Variants in ACSS2 observed in about 807,000 individuals in gnomAD.
ACSS2 encodes acetyl-coenzyme A synthetase, cytoplasmic.
Under a neutral mutation model 90.6 loss-of-function variants are expected in ACSS2, and 58 were observed. That is an observed-to-expected ratio of 0.64 (90% CI 0.52 to 0.80). The LOEUF is 0.80. ACSS2 is among the 30% of genes least tolerant of loss of function. The pLI is 0.00. For synonymous variants in ACSS2, 300 were observed against 330.9 expected, an observed-to-expected ratio of 0.91 and a Z score of 1.01; for missense variants, 759 against 912.0, an observed-to-expected ratio of 0.83 and a Z score of 2.16.
intron 2 of ACSS2, among the ~76,000 whole-genome samples, chr20:34,892,519 A>G (rs2080358944): frequency 6.6e-6 from 1 of 152,264 alleles, no homozygotes; most frequent in South Asian, 2.1e-4. Context: ...ATTCTCATTC[A>G]ATTCCTACAT....
intron 2 of ACSS2, among the ~76,000 whole-genome samples, chr20:34,897,184 A>T (rs1346022364): frequency 6.6e-6 from 1 of 152,216 alleles, no homozygotes; most frequent in East Asian, 1.9e-4. Flanking sequence ...TGCAATTCCA[A>T]TCAAAATTGC....
intron 1 of ACSS2, among the ~76,000 whole-genome samples, chr20:34,878,895 C>CTTTTTTTTTTTTT (rs11299664): frequency 7.8e-6 from 1 of 128,526 alleles, no homozygotes; most frequent in Non-Finnish European, 1.7e-5. Context: ...TTCTGCTTTT[C>CTTTTTTTTTTTTT]TTTTTTTTTT....
At chr20:34,898,311 T>G (rs559751382) in intron 2 of ACSS2, among the ~76,000 whole-genome samples, 20 of 152,308 alleles carry the variant, frequency 1.3e-4, no homozygotes, top group Non-Finnish European at 2.4e-4. Flanking sequence ...AGCCAAGTGG[T>G]CTGTTTTGAC....
intron 13 of ACSS2, 58 bp from the exon 14 acceptor site, chr20:34,923,265 T>C (rs2081240978): frequency 6.5e-6 from 8 of 1,239,414 alleles, no homozygotes; most frequent in Non-Finnish European, 8.3e-6. Context: ...AAAGCTGTAA[T>C]TATCTTCCAG....
intron 2 of ACSS2, among the ~76,000 whole-genome samples, chr20:34,901,739 A>T (rs2080663697): frequency 6.6e-6 from 1 of 152,224 alleles, no homozygotes; most frequent in Admixed American, 6.5e-5. Flanking sequence ...TGGGGAGCTT[A>T]TGCAATGAAA....
At chr20:34,896,814 C>T (rs1448937061) in intron 2 of ACSS2, among the ~76,000 whole-genome samples, 3 of 152,166 alleles carry the variant, frequency 2.0e-5, no homozygotes, top group African/African-American at 4.8e-5. Flanking sequence ...GAGGCCAAGG[C>T]GGGCGGATCA....
At chr20:34,915,711 C>T (rs954544102) in intron 7 of ACSS2, among the ~76,000 whole-genome samples, 1 of 152,102 alleles carries the variant, frequency 6.6e-6, no homozygotes, top group Non-Finnish European at 1.5e-5. Context: ...AGAGGAGATT[C>T]CTAAATACAT....
chr20:34,906,227 CG>C (rs2080800389), intron 2 of ACSS2, among the ~76,000 whole-genome samples: 1 of 150,588 alleles, frequency 6.6e-6, no homozygotes, highest in African/African-American at 2.5e-5. Context: ...CCCAGCTACT[CG>C]GGAGGCTGAG....
chr20:34,927,662 TG>T lies in ACSS2; in HGVS notation c.*449del, dbSNP rs1167648948. 2.3e-5 allele frequency: 4 copies of T among 174,234 alleles called. No individual in the cohort carries two copies. In the East Asian group the frequency reaches 5.7e-4, roughly 25 times the overall value. The allele number at this position is 174,234 out of a possible 1,614,324, so 10.8% of individuals were successfully genotyped here. A position where few individuals can be genotyped will look rare whatever the true frequency, so the allele number is the denominator to read the frequency against. On this transcript the variant is annotated 3_prime_UTR_variant, in exon 18 of 18. Coordinates refer to ENST00000360596, the MANE Select transcript of ACSS2 (RefSeq NM_018677.4). The surrounding 1 kb of genome is among the most constrained non-coding windows in gnomAD (Gnocchi z 4.2). ...ATTTACTATTTTTAAAATATTTTGCTGCTTCTGTTCTGGGTCTGAATTCCCT... is the reference window on the plus strand; with the variant it reads ...ATTTACTATTTTTAAAATATTTTGCTCTTCTGTTCTGGGTCTGAATTCCCT...
chr20:34,906,663 A>T (rs1452606981), intron 2 of ACSS2, among the ~76,000 whole-genome samples: 1 of 152,042 alleles, frequency 6.6e-6, no homozygotes. Context: ...GGTGCTAGGG[A>T]TGTAGCAGTG....
At chr20:34,888,720 C>A (rs995313418) in intron 2 of ACSS2, among the ~76,000 whole-genome samples, 3 of 152,084 alleles carry the variant, frequency 2.0e-5, no homozygotes, top group Non-Finnish European at 4.4e-5. Flanking sequence ...AAGGAAAGAA[C>A]CTTTTGATAA....
rs985481273 is a variant in ACSS2 at position 34,906,970 on chromosome 20, C to CGA, written c.375-6123_375-6122dup. On this transcript the variant is annotated intron_variant, in intron 2 of 17. Coordinates refer to ENST00000360596, the MANE Select transcript of ACSS2 (RefSeq NM_018677.4). ...TTGCACTCCAGCCTGGGTGACAGAG[C>CGA]GAGACTCCATCTCAAAAAAAAAAAA... Among the ~76,000 whole-genome samples the CGA allele has an allele frequency of 2.7e-5, 3 of 109,974 alleles. No homozygotes were observed. In the Admixed American group the frequency reaches 3.6e-4, roughly 13 times the overall value. The allele number at this position is 109,974 out of a possible 152,430, so 72.1% of individuals were successfully genotyped here.
At chr20:34,883,545 T>C (rs2080118247) in intron 2 of ACSS2, among the ~76,000 whole-genome samples, 2 of 152,236 alleles carry the variant, frequency 1.3e-5, no homozygotes, top group Admixed American at 1.3e-4. Flanking sequence ...CTAGGCAGTA[T>C]AATTACAGAG....
At chr20:34,921,964 T>C (rs948013735) in intron 13 of ACSS2, 98 bp downstream of exon 13, 4 of 1,513,590 alleles carry the variant, frequency 2.6e-6, no homozygotes, top group Non-Finnish European at 3.5e-6. Context: ...TCCTGGTAGC[T>C]GCTTAGGACT....
At chr20:34,907,987 C>T (rs1241160550) in intron 2 of ACSS2, among the ~76,000 whole-genome samples, 3 of 152,182 alleles carry the variant, frequency 2.0e-5, no homozygotes, top group African/African-American at 7.2e-5. Context: ...GAGGGAGAGT[C>T]CTGACTTGAA....
At position 34,899,369 on chromosome 20, in the gene ACSS2, C is replaced by T. The variant is rs1044210150; in HGVS notation, c.375-13727C>T. Among the ~76,000 whole-genome samples, 13 of 151,750 alleles carry T rather than the reference C, an allele frequency of 8.6e-5. No homozygotes were observed. In the East Asian group the frequency reaches 2.3e-3, roughly 27 times the overall value. On this transcript the variant is annotated intron_variant, in intron 2 of 17. Transcript: ENST00000360596. The stretch of plus-strand genomic sequence containing the variant: ...CTGCCAGCACGCTGTCACCTCTCAA[C>T]GTTATCACATTTTTTTCTTTCTTTC...
intron 2 of ACSS2, among the ~76,000 whole-genome samples, chr20:34,889,395 T>G (rs2080279786): frequency 1.7e-5 from 2 of 119,558 alleles, no homozygotes; most frequent in Admixed American, 7.6e-5. Flanking sequence ...GTGCTGGGAT[T>G]ACAGGCGTGT....
At chr20:34,912,855 A>G (rs1255263527) in intron 2 of ACSS2, among the ~76,000 whole-genome samples, 1 of 152,256 alleles carries the variant, frequency 6.6e-6, no homozygotes, top group South Asian at 2.1e-4. Context: ...ATCAAGGATC[A>G]GAGATGGACA....
intron 11 of ACSS2, 25 bp downstream of exon 11, chr20:34,921,487 G>C: frequency 6.2e-7 from 1 of 1,614,194 alleles, no homozygotes. Flanking sequence ...CAGAAGGCTG[G>C]GGCCCAGGGA....
Sources: gnomAD v4.1 joint callset for allele counts (sites outside exome capture counted in the v4.1 genomes callset) on GRCh38, gnomAD v4.1.1 for gene constraint, Gnocchi (gnomAD v3.1) non-coding constraint, MANE v1.5 for transcripts, NCBI Gene and HGNC (gene_info 2026-07-23, HGNC 2026-07-21) for gene names.